ATXN2: variants seen among roughly 807,000 people sequenced by gnomAD.
ATXN2 encodes ataxin 2, also known as ataxin-2.
A neutral mutation model predicts 138.6 loss-of-function variants in ATXN2; 37 were observed. That is an observed-to-expected ratio of 0.27 (90% CI 0.21 to 0.35). The LOEUF (loss-of-function observed/expected upper bound fraction) is 0.35, where lower values mean the gene tolerates loss of function less well. ATXN2 is among the 10% of genes least tolerant of loss of function. ATXN2 has a pLI of 1.00. For synonymous variants in ATXN2, 549 were observed against 543.7 expected (o/e 1.01, Z -0.13); for missense variants, 1,216 against 1,480.3 (o/e 0.82, Z 2.93).
At chr12:111,585,801 C>CAAAAAAAA (rs761433806) in intron 1 of ATXN2, among the ~76,000 whole-genome samples, 2 of 24,802 alleles carry the variant, frequency 8.1e-5, no homozygotes, top group Non-Finnish European at 3.8e-4. Context: ...AACTCCATCT[C>CAAAAAAAA]AAAAAAAAAA....
intron 5 of ATXN2, among the ~76,000 whole-genome samples, chr12:111,542,863 T>C (rs1230349351): frequency 2.0e-5 from 3 of 152,198 alleles, no homozygotes; most frequent in Admixed American, 6.5e-5. Context: ...TAAAATTCTA[T>C]TTTATGCTAG....
chr12:111,485,417 G>C, intron 17 of ATXN2, 86 bp from the exon 18 acceptor site: 1 of 1,301,446 alleles, frequency 7.7e-7, no homozygotes, highest in Non-Finnish European at 1.1e-6. Flanking sequence ...TATTGCTAGA[G>C]AGCTAGGCAT....
At chr12:111,565,555 G>A (rs951113268) in intron 1 of ATXN2, among the ~76,000 whole-genome samples, 8 of 152,198 alleles carry the variant, frequency 5.3e-5, no homozygotes, top group African/African-American at 1.9e-4. Context: ...ATGTTACCCT[G>A]ATTTCTTTTA....
At chr12:111,515,986 TTCTC>T (rs1879835027) in intron 10 of ATXN2, among the ~76,000 whole-genome samples, 164 bp downstream of exon 10, 1 of 152,194 alleles carries the variant, frequency 6.6e-6, no homozygotes, top group African/African-American at 2.4e-5. Context: ...TTTATCAAAT[TTCTC>T]TCTAATGAAC....
At chr12:111,470,975 G>T (rs1343329425) in intron 18 of ATXN2, 3 of 512,818 alleles carry the variant, frequency 5.9e-6, no homozygotes, top group Non-Finnish European at 1.1e-5. Flanking sequence ...TCATCCTTCA[G>T]GTGTCAGCTT....
chr12:111,524,736 G>A (rs1049481083), intron 6 of ATXN2, among the ~76,000 whole-genome samples: 5 of 152,194 alleles, frequency 3.3e-5, no homozygotes, highest in Non-Finnish European at 5.9e-5. Flanking sequence ...TAATTCCAAT[G>A]TAACCTAATT....
upstream of ATXN2, chr12:111,599,524 G>T: frequency 8.3e-7 from 1 of 1,209,188 alleles, no homozygotes; most frequent in Non-Finnish European, 1.0e-6. Context: ...TCGGAGGGCG[G>T]GCGCGCCGAG....
chr12:111,557,163 G>A (rs1411850344), intron 1 of ATXN2, among the ~76,000 whole-genome samples: 2 of 152,114 alleles, frequency 1.3e-5, no homozygotes, highest in East Asian at 3.9e-4. Flanking sequence ...ATGACAATAG[G>A]ACTGGAATCT....
In ATXN2 at chr12:111,570,568, T is replaced by C. The variant is rs1404367252; in HGVS notation, c.252-14649A>G. On this transcript the variant is annotated intron_variant, in intron 1 of 24. Transcript: ENST00000673436. ...CCAAATTTTTTCTACATACACCATG[T>C]GTATAGCAATCCCTGTACTTTAGCA... Among the ~76,000 whole-genome samples the C allele has an allele frequency of 2.6e-5, 4 of 152,226 alleles. No homozygotes were observed. In the East Asian group the frequency reaches 7.7e-4, roughly 29 times the overall value.
At chr12:111,557,158 A>C (rs753875885) in intron 1 of ATXN2, among the ~76,000 whole-genome samples, 3 of 152,234 alleles carry the variant, frequency 2.0e-5, no homozygotes, top group Non-Finnish European at 4.4e-5. Flanking sequence ...TAGTCATGAC[A>C]ATAGGACTGG....
At chr12:111,467,367 G>C (rs1414183780) in intron 20 of ATXN2, among the ~76,000 whole-genome samples, 1 of 119,370 alleles carries the variant, frequency 8.4e-6, no homozygotes, top group Non-Finnish European at 1.6e-5. Flanking sequence ...ATCTTGCCTA[G>C]ACTGGTCTTG....
intron 5 of ATXN2, among the ~76,000 whole-genome samples, chr12:111,533,298 A>AC (rs1057455122): frequency 1.7e-4 from 26 of 152,052 alleles, no homozygotes; most frequent in Non-Finnish European, 3.5e-4. Flanking sequence ...TGGTTCTAAT[A>AC]CCCCCTAGGG....
chr12:111,499,721 G>T (rs1177812546), intron 14 of ATXN2, among the ~76,000 whole-genome samples: 1 of 152,014 alleles, frequency 6.6e-6, no homozygotes, highest in Admixed American at 6.6e-5. Context: ...AAGGCCAGGT[G>T]CAGTGGCTCA....
intron 18 of ATXN2, among the ~76,000 whole-genome samples, chr12:111,476,651 C>CA (rs1383670294): frequency 2.6e-5 from 4 of 151,984 alleles, no homozygotes; most frequent in Non-Finnish European, 2.9e-5. Context: ...CACAACAGCA[C>CA]AAAACAGATG....
intron 18 of ATXN2, among the ~76,000 whole-genome samples, chr12:111,474,939 C>A (rs933592126): frequency 6.8e-6 from 1 of 147,856 alleles, no homozygotes; most frequent in Admixed American, 6.8e-5. Flanking sequence ...CAAGGCCGGG[C>A]GCAGTGGCTC....
chr12:111,543,132 TG>T (rs1881615124), intron 5 of ATXN2, among the ~76,000 whole-genome samples: 1 of 152,184 alleles, frequency 6.6e-6, no homozygotes, highest in Non-Finnish European at 1.5e-5. Flanking sequence ...GCCTCCATAC[TG>T]GCCTCAATAA....
chr12:111,597,785 G>A (rs1256964929), intron 1 of ATXN2: 20 of 1,115,004 alleles, frequency 1.8e-5, no homozygotes, highest in Non-Finnish European at 2.4e-5. Flanking sequence ...GTCCCCTGCT[G>A]CAATCTCTCT....
At chr12:111,457,383 T>G (rs747634376) in intron 21 of ATXN2, 24 bp from the exon 22 acceptor site, 3 of 1,591,486 alleles carry the variant, frequency 1.9e-6, no homozygotes, top group Non-Finnish European at 2.6e-6. Context: ...AAAAGGAGCA[T>G]GTACACAACC....
At chr12:111,586,874 T>A (rs1172948382) in intron 1 of ATXN2, among the ~76,000 whole-genome samples, 1 of 152,106 alleles carries the variant, frequency 6.6e-6, no homozygotes, top group Admixed American at 6.6e-5. Context: ...TGTTAATATA[T>A]CTGCCTCTGA....
Sources: allele counts gnomAD v4.1 joint callset (sites outside exome capture counted in the v4.1 genomes callset), GRCh38; gene constraint gnomAD v4.1.1; transcripts MANE v1.5; gene names NCBI Gene and HGNC (gene_info 2026-07-23, HGNC 2026-07-21).